Variants in RHBDD1 observed in about 807,000 individuals in gnomAD.
The protein encoded by RHBDD1 is rhomboid-related protein 4.
In RHBDD1, 38 loss-of-function variants were observed where a neutral mutation model predicts 36.3. The observed-to-expected ratio is 1.05, with a 90% CI of 0.81 to 1.37. The LOEUF is 1.37. Among genes scored for constraint, RHBDD1 ranks in the 40% most tolerant of loss-of-function variants. The pLI, the probability that RHBDD1 is intolerant of heterozygous loss-of-function variation, is 0.00. For synonymous variants in RHBDD1, 151 were observed against 136.5 expected (o/e 1.11, Z -0.74); for missense variants, 393 against 377.6 (o/e 1.04, Z -0.34).
intron 5 of RHBDD1, among the ~76,000 whole-genome samples, chr2:226,883,724 AATG>A (rs1945975671): frequency 6.6e-6 from 1 of 152,194 alleles, no homozygotes; most frequent in Non-Finnish European, 1.5e-5. Flanking sequence ...TGTCCCAGAT[AATG>A]ATGAGTGGAG....
intron 5 of RHBDD1, among the ~76,000 whole-genome samples, chr2:226,904,946 C>T (rs914618704): frequency 1.3e-5 from 2 of 152,082 alleles, no homozygotes; most frequent in Admixed American, 6.6e-5. Flanking sequence ...CTTGGTGAAA[C>T]GGTCCTGGCA....
chr2:226,958,851 C>A (rs1033136517), intron 8 of RHBDD1, among the ~76,000 whole-genome samples: 1 of 152,030 alleles, frequency 6.6e-6, no homozygotes, highest in Non-Finnish European at 1.5e-5. Context: ...TCTTTGAGTT[C>A]ATTCCCTTGA....
At chr2:226,937,578 T>C (rs183505918) in intron 8 of RHBDD1, among the ~76,000 whole-genome samples, 121 of 152,228 alleles carry the variant, frequency 7.9e-4, no homozygotes, top group African/African-American at 2.8e-3. Context: ...TTTTTCCTGG[T>C]CCTCTTCTTC....
intron 4 of RHBDD1, among the ~76,000 whole-genome samples, chr2:226,866,219 G>A (rs958075323): frequency 2.0e-5 from 3 of 151,872 alleles, no homozygotes; most frequent in South Asian, 2.1e-4. Context: ...TACAAGGCAC[G>A]CACCACCATG....
chr2:226,895,655 A>G (rs528484365), intron 5 of RHBDD1: 1 of 985,198 alleles, frequency 1.0e-6, no homozygotes, highest in Admixed American at 6.1e-5. Flanking sequence ...ACAACCTGCC[A>G]TTTTGTTCTG....
the RHBDD1 span, among the ~76,000 whole-genome samples, chr2:226,830,492 T>C: frequency 6.6e-6 from 1 of 152,162 alleles, no homozygotes. Flanking sequence ...ATTAATATGG[T>C]GTTTTATATT....
intron 5 of RHBDD1, among the ~76,000 whole-genome samples, chr2:226,883,608 T>C (rs903069144): frequency 1.3e-5 from 2 of 152,144 alleles, no homozygotes; most frequent in African/African-American, 2.4e-5. Flanking sequence ...TAATTGTGGG[T>C]GTGTGGATGA....
chr2:226,874,058 C>G (rs1381294412), intron 5 of RHBDD1, among the ~76,000 whole-genome samples: 3 of 152,120 alleles, frequency 2.0e-5, no homozygotes, highest in Non-Finnish European at 4.4e-5. Context: ...AGACACTTAT[C>G]AAACAACCAG....
At chr2:226,813,185 C>G in the RHBDD1 span, among the ~76,000 whole-genome samples, 2 of 152,220 alleles carry the variant, frequency 1.3e-5, no homozygotes, top group Non-Finnish European at 2.9e-5. Context: ...CCAATAAAGA[C>G]TCAATAATGG....
Position 226,928,489 on chromosome 2 carries a change from G to C in RHBDD1, c.856+14138G>C, listed in dbSNP as rs191292113. 2.6e-4 allele frequency among the ~76,000 whole-genome samples: 40 copies of C among 151,966 alleles called. 1 individual carries two copies. The highest frequency in any genetic ancestry group is 2.4e-3 in the Admixed American group (37 of 15,238). On this transcript the variant is annotated intron_variant, in intron 8 of 8. Transcript: ENST00000392062. ...GTGACACAAGATATCAAAACCTCTG[G>C]GATACAGCAAAAGCAGTGCTAAGAG...
At chr2:226,899,987 A>C (rs1947453802) in intron 5 of RHBDD1, among the ~76,000 whole-genome samples, 1 of 152,194 alleles carries the variant, frequency 6.6e-6, no homozygotes, top group Non-Finnish European at 1.5e-5. Flanking sequence ...CCAGTTAAAT[A>C]CAGAATTACT....
At chr2:226,814,484 G>A in the RHBDD1 span, among the ~76,000 whole-genome samples, 1 of 152,118 alleles carries the variant, frequency 6.6e-6, no homozygotes, top group African/African-American at 2.4e-5. Flanking sequence ...ATGATCAACA[G>A]GAGAAGTAAC....
chr2:226,835,853 G>C (rs1271944335), upstream of RHBDD1: 1 of 152,434 alleles, frequency 6.6e-6, no homozygotes, highest in African/African-American at 2.4e-5. Context: ...GCTCTGCCGC[G>C]GTCCTGCCCC....
intron 8 of RHBDD1, among the ~76,000 whole-genome samples, chr2:226,961,914 A>G (rs1305886454): frequency 6.6e-6 from 1 of 152,220 alleles, no homozygotes; most frequent in Middle Eastern, 3.2e-3. Flanking sequence ...AGAGACGCTA[A>G]GTAACTTGCC....
chr2:226,930,659 G>A (rs1465458030), intron 8 of RHBDD1, among the ~76,000 whole-genome samples: 1 of 151,884 alleles, frequency 6.6e-6, no homozygotes, highest in East Asian at 1.9e-4. Context: ...GTTAAATTAA[G>A]TTTCTGCATG....
chr2:226,869,090 A>G (rs1944571499), intron 5 of RHBDD1: 2 of 714,230 alleles, frequency 2.8e-6, no homozygotes, highest in African/African-American at 3.9e-5. Flanking sequence ...AGTGCGTTTA[A>G]TATTCTTATG....
chr2:226,965,405 T>C (rs1217001866), intron 8 of RHBDD1, among the ~76,000 whole-genome samples: 2 of 152,184 alleles, frequency 1.3e-5, no homozygotes, highest in Non-Finnish European at 2.9e-5. Context: ...TGCAATAATT[T>C]GTTATAGCAA....
Position 226,914,243 on chromosome 2 carries a change from A to C in RHBDD1, c.748A>C (p.Arg250=). The C allele has an allele frequency of 6.2e-7, 1 of 1,613,676 alleles. No homozygotes were observed. The highest frequency in any genetic ancestry group is 1.3e-5 in the African/African-American group (1 of 75,016). Residue 250 remains arginine (R), a synonymous_variant, in exon 8 of 9, where the codon AGG becomes CGG. Coordinates refer to ENST00000392062, the MANE Select transcript of RHBDD1 (RefSeq NM_001167608.3). ...SGYQDYYPHG[R]PDHYEEAPRN... ...ATATCAGGATTATTATCCGCATGGC[A>C]GGCCAGATCACTATGAAGAAGCACC... is the stretch of plus-strand genomic sequence containing the variant.
rs1169618317 is a variant in RHBDD1 at position 226,865,180 on chromosome 2, G to C, written c.433+54G>C. The stretch of plus-strand genomic sequence containing the variant: ...TGCATAAAGGAAGCAAGGGAGGTGT[G>C]GCTGCTGTCATTTTATGAAGTGTGG... On this transcript the variant is annotated intron_variant, in intron 4 of 8. Transcript: ENST00000392062. 3.0e-6 allele frequency: 4 copies of C among 1,348,488 alleles called. No individual in the cohort carries two copies. In the African/African-American group the frequency reaches 5.9e-5, roughly 20 times the overall value. The allele number at this position is 1,348,488 out of a possible 1,614,324, so 83.5% of individuals were successfully genotyped here. A position where few individuals can be genotyped will look rare whatever the true frequency, so the allele number is the denominator to read the frequency against.
Sources: allele counts gnomAD v4.1 joint callset (sites outside exome capture counted in the v4.1 genomes callset), GRCh38; gene constraint gnomAD v4.1.1; transcripts MANE v1.5; gene names NCBI Gene and HGNC (gene_info 2026-07-23, HGNC 2026-07-21).